Variants in FHIP2A observed in about 807,000 individuals in gnomAD.
FHIP2A encodes the protein FHF complex subunit HOOK interacting protein 2A, also known as family with sequence similarity 160 member B1.
Under a neutral mutation model 93.5 loss-of-function variants are expected in FHIP2A, and 46 were observed. That is an observed-to-expected ratio of 0.49 (90% CI 0.39 to 0.63). FHIP2A has a LOEUF of 0.63. Ranked by LOEUF, FHIP2A falls within the 20% of genes least tolerant of loss-of-function variation. The pLI is 0.00. For synonymous variants in FHIP2A, 332 were observed against 326.5 expected (o/e 1.02, Z -0.18); for missense variants, 769 against 909.7 (o/e 0.85, Z 1.99).
In FHIP2A at chr10:114,843,014, A is replaced by G. The variant is rs1592018353; in HGVS notation, c.604A>G (p.Thr202Ala). 1 of 1,613,864 alleles carries G rather than the reference A, an allele frequency of 6.2e-7. No individual in the cohort carries two copies. Among genetic ancestry groups the G allele is most frequent in the East Asian group, 2.2e-5 (1 of 44,868 alleles). The change falls in exon 6 of 17, where the codon ACA (threonine) becomes GCA (alanine). Residue 202 changes from threonine (T) to alanine (A), a missense_variant. Transcript: ENST00000369248. ...DTLKGQDSLSTDTGQSRQPEE... is the reference protein window; with the variant it reads ...DTLKGQDSLSADTGQSRQPEE... Reference sequence around the variant, plus strand: ...ATTAAAAGGTCAGGATTCCTTGTCAACAGATACAGGACAGTCCCGTCAACC... The same window carrying G: ...ATTAAAAGGTCAGGATTCCTTGTCAGCAGATACAGGACAGTCCCGTCAACC...
At chr10:114,854,352 C>T (rs1424382040) in intron 13 of FHIP2A, among the ~76,000 whole-genome samples, 4 of 152,038 alleles carry the variant, frequency 2.6e-5, no homozygotes, top group South Asian at 2.1e-4. Flanking sequence ...ATTAACCAGG[C>T]GTGGTGGCAC....
chr10:114,864,524 AG>A lies in FHIP2A; in HGVS notation c.*2985del. 1 of 985,756 alleles carries A rather than the reference AG, an allele frequency of 1.0e-6. No homozygotes were observed. The highest frequency in any genetic ancestry group is 4.7e-5 in the South Asian group (1 of 21,290). The allele number at this position is 985,756 out of a possible 1,614,324, so 61.1% of individuals were successfully genotyped here. ...ATTTGGTAAATTTTTTTGTATTGAA[AG>A]TTGTGTAGGTTACTGACAGTGTTAC... On this transcript the variant is annotated 3_prime_UTR_variant, in exon 17 of 17. Transcript: ENST00000369248.
At chr10:114,857,961 G>A (rs1453543455) in intron 14 of FHIP2A, among the ~76,000 whole-genome samples, 2 of 152,190 alleles carry the variant, frequency 1.3e-5, no homozygotes, top group Non-Finnish European at 2.9e-5. Flanking sequence ...CCCTGAGCAT[G>A]ATGAGTTTGA....
Position 114,863,236 on chromosome 10 carries a change from C to A in FHIP2A, c.*1696C>A. On this transcript the variant is annotated 3_prime_UTR_variant, in exon 17 of 17. Transcript: ENST00000369248. ...TAAATCATTTTGAATGATGTGAAGG[C>A]ATTCAGTTTGCTGTATTTTTTTAAT... is the stretch of plus-strand genomic sequence containing the variant. 1.0e-6 allele frequency: 1 copy of A among 976,444 alleles called. No homozygotes were observed. Among genetic ancestry groups the A allele is most frequent in the Non-Finnish European group, 1.2e-6 (1 of 824,768 alleles). 60.5% of individuals were successfully genotyped at this position (976,444 alleles called of 1,614,324 possible). A position where few individuals can be genotyped will look rare whatever the true frequency, so the allele number is the denominator to read the frequency against.
At chr10:114,873,824 T>C (rs938967951) in intron 16 of FHIP2A, among the ~76,000 whole-genome samples, 11 of 152,204 alleles carry the variant, frequency 7.2e-5, no homozygotes, top group Non-Finnish European at 1.3e-4. Context: ...TTCCTTACTT[T>C]TGGAGATTAC....
At position 114,861,648 on chromosome 10, in the gene FHIP2A, T is replaced by C; in HGVS notation, c.*108T>C. The C allele has an allele frequency of 1.4e-6, 2 of 1,477,350 alleles. No individual in the cohort carries two copies. Among genetic ancestry groups the C allele is most frequent in the Non-Finnish European group, 1.8e-6 (2 of 1,120,948 alleles). The allele number at this position is 1,477,350 out of a possible 1,614,324, so 91.5% of individuals were successfully genotyped here. On this transcript the variant is annotated 3_prime_UTR_variant, in exon 17 of 17. Transcript: ENST00000369248. ...GGATAAAAAGCCTTTTTAAACGCAGTATTGCTGTAAACTGGACAGAACCAT... is the reference window on the plus strand; with the variant it reads ...GGATAAAAAGCCTTTTTAAACGCAGCATTGCTGTAAACTGGACAGAACCAT...
chr10:114,851,927 C>G (rs2083739394), intron 13 of FHIP2A, among the ~76,000 whole-genome samples: 1 of 152,178 alleles, frequency 6.6e-6, no homozygotes, highest in Non-Finnish European at 1.5e-5. Flanking sequence ...TTCATTAAAT[C>G]TATTCCTAAG....
At chr10:114,875,170 G>C (rs1566383800) in intron 16 of FHIP2A, among the ~76,000 whole-genome samples, 1 of 152,192 alleles carries the variant, frequency 6.6e-6, no homozygotes, top group Admixed American at 6.5e-5. Flanking sequence ...GCGGCCGGCG[G>C]AGGCAGTGCT....
intron 5 of FHIP2A, among the ~76,000 whole-genome samples, 158 bp from the exon 6 acceptor site, chr10:114,842,775 A>T (rs1263938454): frequency 1.3e-5 from 2 of 152,218 alleles, no homozygotes; most frequent in Non-Finnish European, 2.9e-5. Context: ...ATCATTCTAA[A>T]ACACAGTTTG....
chr10:114,874,999 C>T (rs1274982967), intron 16 of FHIP2A, among the ~76,000 whole-genome samples: 1 of 152,218 alleles, frequency 6.6e-6, no homozygotes, highest in Non-Finnish European at 1.5e-5. Context: ...CGTGTTTGCT[C>T]TGTAAAGGGC....
chr10:114,896,711 T>G (rs2084003147), intron 16 of FHIP2A, among the ~76,000 whole-genome samples: 1 of 152,224 alleles, frequency 6.6e-6, no homozygotes, highest in Non-Finnish European at 1.5e-5. Flanking sequence ...ACATATTGAT[T>G]GATGTCTCCT....
At chr10:114,856,971 G>T (rs529155343) in intron 14 of FHIP2A, among the ~76,000 whole-genome samples, 1 of 152,190 alleles carries the variant, frequency 6.6e-6, no homozygotes, top group Non-Finnish European at 1.5e-5. Flanking sequence ...TGCAACTGTA[G>T]TCCCAGCTAC....
intron 5 of FHIP2A, among the ~76,000 whole-genome samples, chr10:114,839,487 AG>A (rs1229458604): frequency 2.0e-5 from 3 of 152,184 alleles, no homozygotes; most frequent in Non-Finnish European, 4.4e-5. Context: ...GCAGTTCTCA[AG>A]CATGTATTCC....
At chr10:114,871,686 C>G (rs1448885899) in intron 16 of FHIP2A, among the ~76,000 whole-genome samples, 5 of 152,118 alleles carry the variant, frequency 3.3e-5, no homozygotes, top group Non-Finnish European at 5.9e-5. Context: ...CCCAATCTAG[C>G]GAGGGGATCC....
intron 11 of FHIP2A, 26 bp from the exon 12 acceptor site, chr10:114,847,064 T>C: frequency 6.4e-7 from 1 of 1,567,588 alleles, no homozygotes; most frequent in Non-Finnish European, 8.7e-7. Flanking sequence ...AATAGTGCTT[T>C]TTATGTGTCA....
At chr10:114,885,820 G>C (rs1324934997) in intron 16 of FHIP2A, among the ~76,000 whole-genome samples, 1 of 152,226 alleles carries the variant, frequency 6.6e-6, no homozygotes, top group African/African-American at 2.4e-5. Context: ...TAGGACCTGA[G>C]TAGAACCTGT....
Position 114,846,456 on chromosome 10 carries a change from CTT to C in FHIP2A, c.1398+92_1398+93del, listed in dbSNP as rs1254261862. On this transcript the variant is annotated intron_variant, in intron 10 of 16. Coordinates refer to ENST00000369248, the MANE Select transcript of FHIP2A (RefSeq NM_020940.4). ...ACTTCAGATATTTTCAATACAACCT[CTT>C]TTATTGGCTTTAGAAATTGAAAGCA... 32 of 1,431,472 alleles carry C rather than the reference CTT, an allele frequency of 2.2e-5. No individual in the cohort carries two copies. In the East Asian group the frequency reaches 6.2e-4, roughly 28 times the overall value. 88.7% of individuals were successfully genotyped at this position (1,431,472 alleles called of 1,614,324 possible). A position where few individuals can be genotyped will look rare whatever the true frequency, so the allele number is the denominator to read the frequency against.
At chr10:114,822,235 T>G in intron 1 of FHIP2A, 112 bp downstream of exon 1, 4 of 584,848 alleles carry the variant, frequency 6.8e-6, no homozygotes, top group Non-Finnish European at 9.2e-6. Flanking sequence ...GGCGGCCCTG[T>G]CCCCGGTTGG....
chr10:114,871,680 A>G (rs2083860950), intron 16 of FHIP2A, among the ~76,000 whole-genome samples: 1 of 151,970 alleles, frequency 6.6e-6, no homozygotes, highest in African/African-American at 2.4e-5. Flanking sequence ...GTTAACCCCA[A>G]TCTAGCGAGG....
Sources: allele counts gnomAD v4.1 joint callset (sites outside exome capture counted in the v4.1 genomes callset), GRCh38; gene constraint gnomAD v4.1.1; transcripts MANE v1.5; gene names NCBI Gene and HGNC (gene_info 2026-07-23, HGNC 2026-07-21).